The following CCDC154 variants were observed in gnomAD, a reference collection of about 807,000 sequenced individuals.
CCDC154 encodes coiled-coil domain-containing protein 154.
In CCDC154, 91 loss-of-function variants were observed where a neutral mutation model predicts 87.5. That is an observed-to-expected ratio of 1.04 (90% confidence interval 0.88 to 1.24). The LOEUF is 1.24. CCDC154 is among the 50% of genes most tolerant of loss of function. The pLI, the probability that CCDC154 is intolerant of heterozygous loss-of-function variation, is 0.00. For synonymous variants in CCDC154, 418 were observed against 400.4 expected, an observed-to-expected ratio of 1.04 and a Z score of -0.52; for missense variants, 903 against 879.2, an observed-to-expected ratio of 1.03 and a Z score of -0.34.
rs1173640934 is a variant in CCDC154 at position 1,439,127 on chromosome 16, C to G, written c.676-1G>C. The G allele has an allele frequency of 4.5e-6, 7 of 1,549,788 alleles. No homozygotes were observed. Among genetic ancestry groups the G allele is most frequent in the African/African-American group, 2.7e-5 (2 of 73,016 alleles). ...CTTCGCCGAGCTTGGTCACCTGGGC[C>G]TGGGGCGGAGGCACATTGTCCCGTG... On this transcript the variant is annotated splice_acceptor_variant, in intron 6 of 16. Transcript: ENST00000389176. LOFTEE classifies it high-confidence loss of function.
chr16:1,437,137 G>T, intron 11 of CCDC154: 1 of 375,686 alleles, frequency 2.7e-6, no homozygotes, highest in Non-Finnish European at 5.0e-6. Context: ...CTCGCGTGTC[G>T]GTGGATGAGC....
chr16:1,443,703 G>C lies in CCDC154; in HGVS notation c.225-8C>G, dbSNP rs1395789859. On this transcript the variant is annotated splice_polypyrimidine_tract_variant and splice_region_variant and intron_variant, in intron 2 of 16. Transcript: ENST00000389176. The stretch of plus-strand genomic sequence containing the variant: ...GCCTGCAGCTCCACCACCCTGGCCG[G>C]GGCGAGAGTGGGCGAGTCTGGCGGT... 1.5e-6 allele frequency: 2 copies of C among 1,292,752 alleles called. No homozygotes were observed. Among genetic ancestry groups the C allele is most frequent in the Admixed American group, 2.3e-5 (1 of 42,870 alleles). 80.1% of individuals were successfully genotyped at this position (1,292,752 alleles called of 1,614,324 possible).
In CCDC154 at chr16:1,437,844, C is replaced by T. The variant is rs1238813914; in HGVS notation, c.1263G>A (p.Glu421=). 6.5e-7 allele frequency: 1 copy of T among 1,539,688 alleles called. No homozygotes were observed. Among genetic ancestry groups the T allele is most frequent in the Non-Finnish European group, 8.7e-7 (1 of 1,145,838 alleles). Residue 421 remains glutamate (E), a synonymous_variant, in exon 11 of 17, where the codon GAG becomes GAA. Transcript: ENST00000389176. ...PALSSRLDLQ[E]QMLGLRLSEA... ...CGGACAGCCTGAGGCCCAGCATCTG[C>T]TCCTGCAGATCGAGCCGGCTGCTCA...
At chr16:1,442,561 A>C in intron 5 of CCDC154, 32 bp from the exon 6 acceptor site, 1 of 1,499,050 alleles carries the variant, frequency 6.7e-7, no homozygotes, top group Non-Finnish European at 8.9e-7. Context: ...ACACCAGCCC[A>C]GCTGGCCGGA....
chr16:1,438,745 G>C lies in CCDC154; in HGVS notation c.907-8C>G, dbSNP rs1475461233. ...CTCCAGGAGGTGGCTCTCCTGCCAG[G>C]GGGTGGAGGCCGCCCTGAGACCTGC... On this transcript the variant is annotated splice_polypyrimidine_tract_variant and splice_region_variant and intron_variant, in intron 8 of 16. Coordinates refer to ENST00000389176, the MANE Select transcript of CCDC154 (RefSeq NM_001143980.3). The C allele has an allele frequency of 2.6e-6, 4 of 1,549,020 alleles. No individual in the cohort carries two copies. The highest frequency in any genetic ancestry group is 2.4e-5 in the South Asian group (2 of 83,988).
chr16:1,439,191 C>A, intron 6 of CCDC154, 65 bp from the exon 7 acceptor site: 3 of 1,387,866 alleles, frequency 2.2e-6, no homozygotes, highest in Admixed American at 4.0e-5. Flanking sequence ...CCCCCTCCTG[C>A]CCATGGTCTC....
chr16:1,441,085 C>T (rs2038548377), intron 6 of CCDC154, among the ~76,000 whole-genome samples: 1 of 152,212 alleles, frequency 6.6e-6, no homozygotes, highest in South Asian at 2.1e-4. Flanking sequence ...CACCACCACG[C>T]TCCAGCCTGA....
At chr16:1,436,932 A>G (rs2038507391) in intron 11 of CCDC154, 121 bp from the exon 12 acceptor site, 2 of 1,337,086 alleles carry the variant, frequency 1.5e-6, no homozygotes, top group Non-Finnish European at 2.0e-6. Flanking sequence ...GCTCTGAGAC[A>G]TTTGTGCACA....
chr16:1,436,842 G>A, intron 11 of CCDC154, 31 bp from the exon 12 acceptor site: 2 of 1,549,614 alleles, frequency 1.3e-6, no homozygotes, highest in Non-Finnish European at 1.7e-6. Context: ...GAGGGACAAA[G>A]CCAAGAGAGG....
chr16:1,443,434 C>T (rs2038575332), intron 3 of CCDC154, 72 bp downstream of exon 3: 4 of 1,429,998 alleles, frequency 2.8e-6, no homozygotes, highest in African/African-American at 2.9e-5. Context: ...AGCTGGGCTC[C>T]AGGCCCAGAA....
At chr16:1,438,291 G>T in intron 9 of CCDC154, 115 bp from the exon 10 acceptor site, 1 of 1,297,728 alleles carries the variant, frequency 7.7e-7, no homozygotes, top group Non-Finnish European at 1.0e-6. Flanking sequence ...CCCTGGGATC[G>T]GAAGATGGGG....
At chr16:1,438,489 C>A in intron 9 of CCDC154, 130 bp downstream of exon 9, 1 of 902,038 alleles carries the variant, frequency 1.1e-6, no homozygotes, top group South Asian at 1.6e-5. Context: ...CAGCTGCAGC[C>A]CTCGGGGTCG....
At position 1,443,304 on chromosome 16, in the gene CCDC154, G is replaced by T; in HGVS notation, c.415-3C>A. 6.5e-7 allele frequency: 1 copy of T among 1,548,674 alleles called. No individual in the cohort carries two copies. Among genetic ancestry groups the T allele is most frequent in the Non-Finnish European group, 8.7e-7 (1 of 1,146,368 alleles). The stretch of plus-strand genomic sequence containing the variant: ...ATCTGGTTCTGGAGACCAGAGAACT[G>T]CGAGGAGGAAGAGGAGGCTGTGGGC... On this transcript the variant is annotated splice_region_variant and splice_polypyrimidine_tract_variant and intron_variant, in intron 3 of 16. Coordinates refer to ENST00000389176, the MANE Select transcript of CCDC154 (RefSeq NM_001143980.3).
Position 1,442,903 on chromosome 16 carries a change from G to GTT in CCDC154, c.527_528insAA (p.Ala177ThrfsTer13). ...ACCTGAGGCCGGCCTCTTGCTCGGC[G>GTT]CCCCTTCTCTCCGCCTCCTGTTGCA... On this transcript the variant is annotated frameshift_variant, in exon 5 of 17. Transcript: ENST00000389176. LOFTEE classifies it high-confidence loss of function. The GTT allele has an allele frequency of 3.2e-6, 5 of 1,549,586 alleles. No individual in the cohort carries two copies. Among genetic ancestry groups the GTT allele is most frequent in the Non-Finnish European group, 4.4e-6 (5 of 1,146,684 alleles).
chr16:1,440,415 A>C (rs1040706521), intron 6 of CCDC154, among the ~76,000 whole-genome samples: 1 of 151,906 alleles, frequency 6.6e-6, no homozygotes, highest in African/African-American at 2.4e-5. Flanking sequence ...ACGCCACTGC[A>C]CTCCAGCCTG....
chr16:1,439,493 C>T (rs781685469), intron 6 of CCDC154, among the ~76,000 whole-genome samples: 2 of 152,060 alleles, frequency 1.3e-5, no homozygotes, highest in Non-Finnish European at 2.9e-5. Flanking sequence ...GTGGGCTGGG[C>T]AGAGCCTTGG....
intron 6 of CCDC154, among the ~76,000 whole-genome samples, chr16:1,439,977 T>A (rs2038536240): frequency 6.6e-6 from 1 of 151,846 alleles, no homozygotes; most frequent in Non-Finnish European, 1.5e-5. Context: ...GGTGAAACCC[T>A]GTCTCTACTA....
At position 1,438,038 on chromosome 16, in the gene CCDC154, C is replaced by T. The variant is rs4984841; in HGVS notation, c.1152+12G>A. 602,491 of 1,544,966 alleles carry T rather than the reference C, an allele frequency of 0.39. 119,910 individuals carry two copies. Among genetic ancestry groups the T allele is most frequent in the Admixed American group, 0.42 (21,285 of 50,772 alleles). ...GAGACCCCGTTGGGGACATGTTGCG[C>T]TACCCCCTCACCAGCACCAGCTCTC... On this transcript the variant is annotated intron_variant, in intron 10 of 16. Coordinates refer to ENST00000389176, the MANE Select transcript of CCDC154 (RefSeq NM_001143980.3).
Position 1,439,084 on chromosome 16 carries a change from G to A in CCDC154, c.718C>T (p.Leu240=). ...KLGEEVSLRF[L]KREAKLCGFL... ...CCGCACAGCTTGGCCTCCCTCTTCA[G>A]GAAGCGCAGGCTCACCTCTTCGCCG... The change falls in exon 7 of 17, where the codon CTG becomes TTG. Residue 240 remains leucine (L), a synonymous_variant. Coordinates refer to ENST00000389176, the MANE Select transcript of CCDC154 (RefSeq NM_001143980.3). 1 of 1,550,242 alleles carries A rather than the reference G, an allele frequency of 6.5e-7. No homozygotes were observed. The highest frequency in any genetic ancestry group is 1.2e-5 in the South Asian group (1 of 84,062).
Sources: gnomAD v4.1 joint callset for allele counts (sites outside exome capture counted in the v4.1 genomes callset) on GRCh38, gnomAD v4.1.1 for gene constraint, MANE v1.5 for transcripts, NCBI Gene and HGNC (gene_info 2026-07-23, HGNC 2026-07-21) for gene names.